BDH2: variants seen among roughly 807,000 people sequenced by gnomAD.
BDH2 encodes the protein 3-hydroxybutyrate dehydrogenase 2.
In BDH2, 24 loss-of-function variants were observed where a neutral mutation model predicts 33.2. That is an observed-to-expected ratio of 0.72 (90% CI 0.52 to 1.02). The LOEUF (loss-of-function observed/expected upper bound fraction) is 1.02. Among genes scored for constraint, BDH2 ranks in the 50% least tolerant of loss-of-function variants. The probability of loss-of-function intolerance (pLI) is 0.00; values close to 1 mark genes in which losing one functional copy is unlikely to be tolerated. For missense variants in BDH2, 249 were observed against 301.6 expected (o/e 0.83, Z 1.29); for synonymous variants, 81 against 101.6 (o/e 0.80, Z 1.22).
At chr4:103,090,203 A>G (rs536651133) in intron 5 of BDH2, among the ~76,000 whole-genome samples, 2 of 152,198 alleles carry the variant, frequency 1.3e-5, no homozygotes, top group African/African-American at 4.8e-5. Flanking sequence ...CTCAGCCTGC[A>G]CTGTCTGCTA....
chr4:103,087,027 A>T (rs959219833), intron 5 of BDH2, among the ~76,000 whole-genome samples: 9 of 152,218 alleles, frequency 5.9e-5, no homozygotes, highest in Non-Finnish European at 1.3e-4. Context: ...CTCCACAGAG[A>T]TCTAACAGCA....
intron 8 of BDH2, 47 bp downstream of exon 8, chr4:103,082,824 G>C (rs776654660): frequency 2.0e-6 from 3 of 1,478,494 alleles, no homozygotes; most frequent in Non-Finnish European, 1.9e-6. Context: ...ATGGAAGAGG[G>C]CATTTATTAA....
chr4:103,095,272 T>C lies in BDH2; in HGVS notation c.82A>G (p.Arg28Gly), dbSNP rs763700717. 34 of 1,613,294 alleles carry C rather than the reference T, an allele frequency of 2.1e-5. No individual in the cohort carries two copies. The highest frequency in any genetic ancestry group is 2.8e-5 in the Non-Finnish European group (33 of 1,179,476). Residue 28 changes from arginine to glycine, a missense_variant, in exon 3 of 10, where the codon AGA (arginine) becomes GGA (glycine). By Grantham distance (125) the Arg-to-Gly change is moderately radical (BLOSUM62 -2). Transcript: ENST00000296424. Reference sequence around the variant, plus strand: ...GTGGCTATGACTTTGGCACCTTCTCTTGCAAAAGCCTAGTAGACACAAAGT... The same window carrying C: ...GTGGCTATGACTTTGGCACCTTCTCCTGCAAAAGCCTAGTAGACACAAAGT... ...IGQAAALAFA[R>G]EGAKVIATDI...
At chr4:103,085,567 C>A in intron 6 of BDH2, 105 bp from the exon 7 acceptor site, 1 of 1,418,206 alleles carries the variant, frequency 7.1e-7, no homozygotes, top group South Asian at 1.3e-5. Flanking sequence ...CATGCTTTCT[C>A]CCACATTCCT....
rs1000131327 is a variant in BDH2 at position 103,092,696 on chromosome 4, C to A, written c.152G>T (p.Gly51Val). ...SKLQELEKYPGIQTRVLDVTK... is the reference protein window; with the variant it reads ...SKLQELEKYPVIQTRVLDVTK... ...GACATCAAGGACACGAGTTTGAATA[C>A]CTGAAAAATAAAACAAGAGGCACTA... Residue 51 changes from glycine (G) to valine (V), a missense_variant and splice_region_variant, in exon 4 of 10, where the codon GGT becomes GTT. By Grantham distance (109) the Gly-to-Val change is moderately radical. Coordinates refer to ENST00000296424, the MANE Select transcript of BDH2 (RefSeq NM_020139.4). 6.2e-7 allele frequency: 1 copy of A among 1,604,792 alleles called. No individual in the cohort carries two copies. The highest frequency in any genetic ancestry group is 8.5e-7 in the Non-Finnish European group (1 of 1,171,970).
At chr4:103,098,522 C>G (rs1408976635) in intron 1 of BDH2, 1 of 152,228 alleles carries the variant, frequency 6.6e-6, no homozygotes, top group Non-Finnish European at 1.5e-5. Context: ...TGTGCTGAGG[C>G]CACCTTCTCG....
chr4:103,089,074 T>G (rs1747944838), intron 5 of BDH2, among the ~76,000 whole-genome samples: 1 of 152,222 alleles, frequency 6.6e-6, no homozygotes, highest in Admixed American at 6.5e-5. Context: ...AATGCTTTCC[T>G]GTGTATCTAT....
chr4:103,092,540 T>G, intron 4 of BDH2, 60 bp downstream of exon 4: 2 of 1,179,504 alleles, frequency 1.7e-6, no homozygotes, highest in Non-Finnish European at 2.5e-6. Context: ...GAAAATTCTT[T>G]GAATGAAAGT....
Position 103,085,227 on chromosome 4 carries a change from C to T in BDH2, c.532+122G>A, listed in dbSNP as rs561180780. The stretch of plus-strand genomic sequence containing the variant: ...GCTTTGAGAGTCATTTTATCTGTTG[C>T]AACTATTATACTAAACTCTGCCTTT... On this transcript the variant is annotated intron_variant, in intron 7 of 9. Coordinates refer to ENST00000296424, the MANE Select transcript of BDH2 (RefSeq NM_020139.4). 135 of 714,956 alleles carry T rather than the reference C, an allele frequency of 1.9e-4. 2 individuals are homozygous for T. The South Asian group carries it at 2.6e-3, about 14-fold the overall frequency. The allele number at this position is 714,956 out of a possible 1,614,324, so 44.3% of individuals were successfully genotyped here.
At chr4:103,081,912 G>T (rs1391600879) in intron 9 of BDH2, among the ~76,000 whole-genome samples, 169 bp downstream of exon 9, 1 of 152,148 alleles carries the variant, frequency 6.6e-6, no homozygotes, top group East Asian at 1.9e-4. Flanking sequence ...GGCTCAGATC[G>T]AAGTGGTCTT....
chr4:103,094,371 ATGTAT>A (rs1317401011), intron 3 of BDH2, among the ~76,000 whole-genome samples: 1 of 152,220 alleles, frequency 6.6e-6, no homozygotes, highest in African/African-American at 2.4e-5. Flanking sequence ...GTTATTAATA[ATGTAT>A]TGTATACTTG....
At position 103,085,427 on chromosome 4, in the gene BDH2, C is replaced by T. The variant is rs1355795941; in HGVS notation, c.454G>A (p.Ala152Thr). ...VNRCVYSTTK[A>T]AVIGLTKSVA... ...GATTTTGTGAGGCCAATCACGGCTG[C>T]CTTGGTTGTGCTGTACACACATCTG... Residue 152 changes from alanine to threonine, a missense_variant, in exon 7 of 10, where the codon GCA becomes ACA. Physicochemically the swap from Ala to Thr is moderately conservative, Grantham distance 58 (BLOSUM62 0). Coordinates refer to ENST00000296424, the MANE Select transcript of BDH2 (RefSeq NM_020139.4). 4 of 1,613,076 alleles carry T rather than the reference C, an allele frequency of 2.5e-6. No homozygotes were observed. Among genetic ancestry groups the T allele is most frequent in the Non-Finnish European group, 8.5e-7 (1 of 1,179,844 alleles).
At chr4:103,094,756 T>C (rs939481679) in intron 3 of BDH2, among the ~76,000 whole-genome samples, 1 of 152,152 alleles carries the variant, frequency 6.6e-6, no homozygotes, top group Middle Eastern at 3.4e-3. Flanking sequence ...AAAGAAAATA[T>C]ATTATTAAAT....
chr4:103,095,216 C>A lies in BDH2; in HGVS notation c.138G>T (p.Leu46=). 6.2e-7 allele frequency: 1 copy of A among 1,613,688 alleles called. No homozygotes were observed. Among genetic ancestry groups the A allele is most frequent in the Non-Finnish European group, 8.5e-7 (1 of 1,179,778 alleles). ...TGAGTTGCTTACCCGGGTACTTTTC[C>A]AGTTCCTGAAGTTTGGACTCATTAA... ...TDINESKLQE[L]EKYPGIQTRV... Residue 46 remains leucine (L), a synonymous_variant, in exon 3 of 10, where the codon CTG becomes CTT. Transcript: ENST00000296424.
chr4:103,082,045 G>C (rs764957045), intron 9 of BDH2, 36 bp downstream of exon 9: 2 of 1,545,152 alleles, frequency 1.3e-6, no homozygotes, highest in Non-Finnish European at 1.8e-6. Flanking sequence ...AAATGTGATT[G>C]AGGGTAATGA....
chr4:103,085,657 A>G, intron 6 of BDH2, 195 bp from the exon 7 acceptor site: 1 of 1,501,690 alleles, frequency 6.7e-7, no homozygotes, highest in Admixed American at 2.0e-5. Flanking sequence ...ATATCAGTAT[A>G]GGCACAACTT....
intron 5 of BDH2, among the ~76,000 whole-genome samples, chr4:103,087,804 A>T (rs1357248432): frequency 6.6e-6 from 1 of 152,246 alleles, no homozygotes; most frequent in Admixed American, 6.5e-5. Context: ...ACATGTACAT[A>T]GAAGTCTCAA....
Position 103,097,094 on chromosome 4 carries a change from A to G in BDH2, c.-20-820T>C, listed in dbSNP as rs191831657. Among the ~76,000 whole-genome samples the G allele has an allele frequency of 5.5e-3, 844 of 152,106 alleles. 10 individuals are homozygous for G. Among genetic ancestry groups the G allele is most frequent in the African/African-American group, 0.019 (803 of 41,496 alleles). ...ATTTCATAGTTGGTCTCAGATATTC[A>G]TCGAAAAAAAAAAGGATGGAAAAAT... On this transcript the variant is annotated intron_variant, in intron 1 of 9. Coordinates refer to ENST00000296424, the MANE Select transcript of BDH2 (RefSeq NM_020139.4).
chr4:103,099,214 AC>A (rs1748539049), intron 1 of BDH2: 1 of 152,192 alleles, frequency 6.6e-6, no homozygotes, highest in East Asian at 1.9e-4. Context: ...ATCTTTGCCA[AC>A]CGAAGAAGCA....
Sources: gnomAD v4.1 joint callset for allele counts (sites outside exome capture counted in the v4.1 genomes callset) on GRCh38, gnomAD v4.1.1 for gene constraint, MANE v1.5 for transcripts, NCBI Gene and HGNC (gene_info 2026-07-23, HGNC 2026-07-21) for gene names.